PDE7A: variants seen among roughly 807,000 people sequenced by gnomAD.
The protein encoded by PDE7A is phosphodiesterase 7A.
PDE7A carries 39 observed loss-of-function variants against 64.3 expected under a neutral mutation model. The observed-to-expected ratio is 0.61, with a 90% CI of 0.47 to 0.79. The LOEUF is 0.79. Among genes scored for constraint, PDE7A ranks in the 30% least tolerant of loss-of-function variants. The pLI, the probability that PDE7A is intolerant of heterozygous loss-of-function variation, is 0.00. For synonymous variants in PDE7A, 203 were observed against 206.8 expected (o/e 0.98, Z 0.16); for missense variants, 470 against 582.8 (o/e 0.81, Z 1.99).
chr8:65,793,434 C>T (rs949335242), intron 1 of PDE7A, among the ~76,000 whole-genome samples: 6 of 144,510 alleles, frequency 4.2e-5, no homozygotes, highest in Non-Finnish European at 9.1e-5. Context: ...TTTTGATATA[C>T]AATAAATTGC....
chr8:65,744,588 G>A (rs1043402836), intron 5 of PDE7A, among the ~76,000 whole-genome samples: 6 of 152,040 alleles, frequency 3.9e-5, no homozygotes, highest in Non-Finnish European at 8.8e-5. Context: ...TCTGATAAGC[G>A]CTCTTAAAGA....
At chr8:65,767,920 C>T (rs145578510) in intron 3 of PDE7A, among the ~76,000 whole-genome samples, 14 of 152,268 alleles carry the variant, frequency 9.2e-5, no homozygotes, top group East Asian at 5.8e-4. Context: ...TGAAGCTGGT[C>T]GGTCAGAAGT....
intron 5 of PDE7A, among the ~76,000 whole-genome samples, 197 bp from the exon 6 acceptor site, chr8:65,739,794 T>C (rs2128901155): frequency 6.6e-6 from 1 of 152,352 alleles, no homozygotes; most frequent in East Asian, 1.9e-4. Flanking sequence ...AAAAATTTAA[T>C]TTTTGTTGTT....
intron 6 of PDE7A, among the ~76,000 whole-genome samples, chr8:65,736,097 A>G (rs1267447253): frequency 1.3e-5 from 2 of 152,198 alleles, no homozygotes; most frequent in East Asian, 1.9e-4. Context: ...TAAGTTAGTC[A>G]CAGTAAGAAA....
chr8:65,754,522 G>A (rs943052788), intron 3 of PDE7A, among the ~76,000 whole-genome samples: 4 of 151,554 alleles, frequency 2.6e-5, no homozygotes, highest in Middle Eastern at 6.8e-3. Flanking sequence ...ATTTTTAGTA[G>A]AGATGGGGTT....
At chr8:65,837,427 A>C (rs2128935611) in intron 1 of PDE7A, among the ~76,000 whole-genome samples, 1 of 152,336 alleles carries the variant, frequency 6.6e-6, no homozygotes, top group East Asian at 1.9e-4. Flanking sequence ...TGGATTTTGG[A>C]GTATTTGTGT....
intron 1 of PDE7A, among the ~76,000 whole-genome samples, chr8:65,814,562 TACGTAC>T: frequency 7.3e-6 from 1 of 137,788 alleles, no homozygotes; most frequent in Admixed American, 7.2e-5. Flanking sequence ...ATATATATAA[TACGTAC>T]ACATATAATA....
intron 3 of PDE7A, among the ~76,000 whole-genome samples, chr8:65,758,984 G>A (rs989686707): frequency 9.9e-5 from 15 of 152,080 alleles, no homozygotes; most frequent in African/African-American, 1.2e-4. Context: ...TGTTCTTACC[G>A]TCATTATGTG....
intron 3 of PDE7A, among the ~76,000 whole-genome samples, chr8:65,775,936 TTTCTTTGTAGCAAAAG>T (rs1809247243): frequency 6.6e-6 from 1 of 152,136 alleles, no homozygotes; most frequent in Non-Finnish European, 1.5e-5. Context: ...CCTCTTCCCT[TTTCTTTGTAGCAAAAG>T]TCTCTAAAAG....
intron 1 of PDE7A, among the ~76,000 whole-genome samples, chr8:65,792,018 T>A (rs1186247603): frequency 3.9e-5 from 6 of 152,172 alleles, no homozygotes. Context: ...TCTTTTACCA[T>A]AAATATTATG....
chr8:65,800,509 T>A (rs1036498153), intron 1 of PDE7A, among the ~76,000 whole-genome samples: 4 of 152,250 alleles, frequency 2.6e-5, no homozygotes, highest in African/African-American at 9.6e-5. Context: ...TAAAAATCCT[T>A]GCCTGCAAGT....
At chr8:65,838,886 G>A (rs971862488) in intron 1 of PDE7A, 1 of 152,172 alleles carries the variant, frequency 6.6e-6, no homozygotes, top group African/African-American at 2.4e-5. Flanking sequence ...AAACACACCG[G>A]CTTTAAGACG....
intron 1 of PDE7A, among the ~76,000 whole-genome samples, chr8:65,798,004 T>C (rs1809883605): frequency 6.7e-6 from 1 of 150,314 alleles, no homozygotes; most frequent in Non-Finnish European, 1.5e-5. Context: ...AATGTGTTAA[T>C]TGGACTTCAC....
At position 65,719,063 on chromosome 8, in the gene PDE7A, T is replaced by G. The variant is rs1806264851; in HGVS notation, c.*227A>C. On this transcript the variant is annotated 3_prime_UTR_variant, in exon 13 of 13. Coordinates refer to ENST00000401827, the MANE Select transcript of PDE7A (RefSeq NM_001242318.3). The stretch of plus-strand genomic sequence containing the variant: ...TTCTCTCCTGCTGGGCTTTGCATAT[T>G]CAAGGTTTCACATGAAAGCCAAATT... 3.6e-6 allele frequency: 2 copies of G among 560,748 alleles called. No individual in the cohort carries two copies. The highest frequency in any genetic ancestry group is 6.4e-6 in the Non-Finnish European group (2 of 313,550). 34.7% of individuals were successfully genotyped at this position (560,748 alleles called of 1,614,324 possible). A position where few individuals can be genotyped will look rare whatever the true frequency, so the allele number is the denominator to read the frequency against.
At chr8:65,810,121 G>C (rs557695011) in intron 1 of PDE7A, among the ~76,000 whole-genome samples, 7 of 152,198 alleles carry the variant, frequency 4.6e-5, no homozygotes, top group African/African-American at 1.2e-4. Context: ...TGATAGACTA[G>C]ATTAAGAAAA....
chr8:65,840,448 T>C (rs561400794), intron 1 of PDE7A, among the ~76,000 whole-genome samples: 1 of 151,006 alleles, frequency 6.6e-6, no homozygotes, highest in African/African-American at 2.5e-5. Flanking sequence ...CAAGATACAA[T>C]ATAACTGGAG....
chr8:65,745,359 C>T, intron 5 of PDE7A, 48 bp downstream of exon 5: 1 of 1,033,878 alleles, frequency 9.7e-7, no homozygotes, highest in Non-Finnish European at 1.5e-6. Context: ...ACCATCAATG[C>T]AGTAATCTAG....
chr8:65,810,294 C>T (rs962586206), intron 1 of PDE7A, among the ~76,000 whole-genome samples: 1 of 142,912 alleles, frequency 7.0e-6, no homozygotes, highest in African/African-American at 2.6e-5. Context: ...GGGAATTGAA[C>T]AATGAGAACA....
At chr8:65,770,683 A>T (rs1453345223) in intron 3 of PDE7A, among the ~76,000 whole-genome samples, 1 of 152,250 alleles carries the variant, frequency 6.6e-6, no homozygotes, top group East Asian at 1.9e-4. Flanking sequence ...ATACATTAAC[A>T]TTTATATATG....
Sources: allele counts gnomAD v4.1 joint callset (sites outside exome capture counted in the v4.1 genomes callset), GRCh38; gene constraint gnomAD v4.1.1; transcripts MANE v1.5; gene names NCBI Gene and HGNC (gene_info 2026-07-23, HGNC 2026-07-21).